PRKCE: variants seen among roughly 807,000 people sequenced by gnomAD.
PRKCE encodes protein kinase C epsilon type.
PRKCE carries 16 observed loss-of-function variants against 85.4 expected under a neutral mutation model. The observed-to-expected ratio is 0.19, with a 90% CI of 0.13 to 0.28. PRKCE has a LOEUF of 0.28. Ranked by LOEUF, PRKCE falls within the 10% of genes least tolerant of loss-of-function variation. PRKCE has a pLI of 1.00. For missense variants in PRKCE, 573 were observed against 975.2 expected (o/e 0.59, Z 5.49); for synonymous variants, 388 against 371.5 (o/e 1.04, Z -0.51).
At position 45,799,670 on chromosome 2, in the gene PRKCE, T is replaced by G. The variant is rs529188572; in HGVS notation, c.349-43330T>G. Among the ~76,000 whole-genome samples, 10 of 152,384 alleles carry G rather than the reference T, an allele frequency of 6.6e-5. No homozygotes were observed. The South Asian group carries it at 2.1e-3, about 32-fold the overall frequency. The stretch of plus-strand genomic sequence containing the variant: ...AAAAGGCACATGTCAGTATAATTAG[T>G]GCATACTCAAAATCTGATACTTTTT... On this transcript the variant is annotated intron_variant, in intron 1 of 14. Transcript: ENST00000306156.
intron 2 of PRKCE, among the ~76,000 whole-genome samples, chr2:45,918,093 G>T (rs908868044): frequency 6.6e-6 from 1 of 152,252 alleles, no homozygotes; most frequent in Admixed American, 6.5e-5. Context: ...AGCCGGCTCC[G>T]GCCTTGGCCA....
rs397781944 is a variant in PRKCE at position 45,941,065 on chromosome 2, T to TAAAAAAAAA, written c.413-35350_413-35342dup. ...TGGGTGACAGAGTGAGACTTCATCC[T>TAAAAAAAAA]AAAAAAAAAAAAAAAAAAAAAAGAT... On this transcript the variant is annotated intron_variant, in intron 2 of 14. Transcript: ENST00000306156. Among the ~76,000 whole-genome samples, 24 of 67,162 alleles carry TAAAAAAAAA rather than the reference T, an allele frequency of 3.6e-4. 1 individual carries two copies. In the East Asian group the frequency reaches 4.6e-3, roughly 13 times the overall value. The allele number at this position is 67,162 out of a possible 152,430, so 44.1% of individuals were successfully genotyped here.
intron 1 of PRKCE, among the ~76,000 whole-genome samples, chr2:45,687,232 A>G (rs989787561): frequency 2.0e-5 from 3 of 152,166 alleles, no homozygotes; most frequent in African/African-American, 4.8e-5. Context: ...AACGACTAAT[A>G]TCCTTAATTT....
rs1481805524 is a variant in PRKCE, at chr2:45,835,349, A to G, written c.349-7651A>G. 2.0e-5 allele frequency among the ~76,000 whole-genome samples: 3 copies of G among 152,180 alleles called. 1 individual carries two copies. Among genetic ancestry groups the G allele is most frequent in the Admixed American group, 2.0e-4 (3 of 15,288 alleles). On this transcript the variant is annotated intron_variant, in intron 1 of 14. Transcript: ENST00000306156. ...GCTTGATTTGTCCCACCCAATGTCTACATTCATGGAGCAGCCACCACAATC... is the reference window on the plus strand; with the variant it reads ...GCTTGATTTGTCCCACCCAATGTCTGCATTCATGGAGCAGCCACCACAATC...
rs1182185385 is a variant in PRKCE at position 46,041,833 on chromosome 2, G to GA, written c.1437+31322dup. 2.0e-5 allele frequency among the ~76,000 whole-genome samples: 3 copies of GA among 152,184 alleles called. No individual in the cohort carries two copies. Among genetic ancestry groups the GA allele is most frequent in the African/African-American group, 7.2e-5 (3 of 41,460 alleles). On this transcript the variant is annotated intron_variant, in intron 10 of 14. Coordinates refer to ENST00000306156, the MANE Select transcript of PRKCE (RefSeq NM_005400.3). The surrounding 1 kb of genome is among the most constrained non-coding windows in gnomAD (Gnocchi z 5.5). ...TCTGCACGGCCAACAATTTGATGTT[G>GA]AAAAAACCAGCCTCCATGTTAACAT...
At chr2:45,892,679 G>A (rs1041156133) in intron 2 of PRKCE, among the ~76,000 whole-genome samples, 4 of 152,270 alleles carry the variant, frequency 2.6e-5, no homozygotes, top group African/African-American at 9.6e-5. Flanking sequence ...AGAAGCAAAT[G>A]TAGCATCGTT....
intron 2 of PRKCE, chr2:45,845,658 T>G (rs1450675418): frequency 3.3e-5 from 5 of 152,220 alleles, no homozygotes; most frequent in African/African-American, 1.2e-4. Context: ...CGAAGGATTC[T>G]TTTTCTTGCT....
intron 11 of PRKCE, among the ~76,000 whole-genome samples, chr2:46,144,491 C>G (rs924191695): frequency 1.3e-5 from 2 of 152,160 alleles, no homozygotes; most frequent in African/African-American, 4.8e-5. Flanking sequence ...GCCTTCTCCT[C>G]TCTCCCATCT....
Position 46,184,985 on chromosome 2 carries a change from A to G in PRKCE, c.*104A>G. ...GTCTTGAACTACTTCTCCTCCTCGG[A>G]GCCCCAGTCCCATGTCCACTGTCTA... On this transcript the variant is annotated 3_prime_UTR_variant, in exon 15 of 15. Coordinates refer to ENST00000306156, the MANE Select transcript of PRKCE (RefSeq NM_005400.3). The surrounding 1 kb of genome is among the most constrained non-coding windows in gnomAD (Gnocchi z 5.0). The G allele has an allele frequency of 6.9e-7, 1 of 1,449,308 alleles. No homozygotes were observed. The highest frequency in any genetic ancestry group is 9.4e-7 in the Non-Finnish European group (1 of 1,068,484). 89.8% of individuals were successfully genotyped at this position (1,449,308 alleles called of 1,614,324 possible). A position where few individuals can be genotyped will look rare whatever the true frequency, so the allele number is the denominator to read the frequency against.
chr2:45,922,762 G>A (rs903708327), intron 2 of PRKCE, among the ~76,000 whole-genome samples: 2 of 152,174 alleles, frequency 1.3e-5, no homozygotes, highest in African/African-American at 4.8e-5. Context: ...GTTGCCTGGA[G>A]ATTATCATGG....
chr2:46,112,894 TA>T (rs1672410277), intron 11 of PRKCE, among the ~76,000 whole-genome samples: 1 of 152,146 alleles, frequency 6.6e-6, no homozygotes, highest in African/African-American at 2.4e-5. Flanking sequence ...GCTTTTTTAC[TA>T]AAAAGAAAAA....
chr2:45,841,789 AGAG>A (rs1385779202), intron 1 of PRKCE, among the ~76,000 whole-genome samples: 10 of 152,236 alleles, frequency 6.6e-5, no homozygotes, highest in African/African-American at 1.4e-4. Context: ...TAGATTTCAG[AGAG>A]GAGGTGATAA....
At chr2:45,978,892 G>A (rs1574095143) in intron 3 of PRKCE, 84 bp from the exon 4 acceptor site, 2 of 1,200,018 alleles carry the variant, frequency 1.7e-6, no homozygotes, top group Non-Finnish European at 2.4e-6. Context: ...TGTGGGTGGT[G>A]GCCCAAATTG....
chr2:45,935,144 GA>G (rs1699347108), intron 2 of PRKCE, among the ~76,000 whole-genome samples: 1 of 152,152 alleles, frequency 6.6e-6, no homozygotes, highest in Non-Finnish European at 1.5e-5. Flanking sequence ...AAGAGATGAT[GA>G]GGGGGACCAT....
chr2:45,849,760 A>T (rs1232769781), intron 2 of PRKCE, among the ~76,000 whole-genome samples: 3 of 152,214 alleles, frequency 2.0e-5, no homozygotes, highest in Non-Finnish European at 4.4e-5. Context: ...CATTGATCTT[A>T]CAATATGCAC....
At chr2:45,775,776 G>A (rs1685702081) in intron 1 of PRKCE, among the ~76,000 whole-genome samples, 1 of 152,072 alleles carries the variant, frequency 6.6e-6, no homozygotes, top group Admixed American at 6.6e-5. Flanking sequence ...CCCACAGTGG[G>A]CTCTCATCAT....
intron 2 of PRKCE, among the ~76,000 whole-genome samples, chr2:45,883,833 G>C (rs906127737): frequency 1.3e-5 from 2 of 152,194 alleles, no homozygotes; most frequent in Non-Finnish European, 1.5e-5. Flanking sequence ...AGAGTGTGTG[G>C]GAAACTCCCT....
intron 1 of PRKCE, among the ~76,000 whole-genome samples, chr2:45,677,550 G>A (rs1442344208): frequency 6.6e-6 from 1 of 152,044 alleles, no homozygotes; most frequent in Non-Finnish European, 1.5e-5. Context: ...TAGAGACGGG[G>A]TTTCACCTTG....
intron 14 of PRKCE, among the ~76,000 whole-genome samples, chr2:46,170,818 A>G (rs1678821094): frequency 6.6e-6 from 1 of 152,250 alleles, no homozygotes; most frequent in African/African-American, 2.4e-5. Flanking sequence ...CAGTGCAATA[A>G]TAAATCCTGG....
Sources: gnomAD v4.1 joint callset for allele counts (sites outside exome capture counted in the v4.1 genomes callset) on GRCh38, gnomAD v4.1.1 for gene constraint, Gnocchi (gnomAD v3.1) non-coding constraint, MANE v1.5 for transcripts, NCBI Gene and HGNC (gene_info 2026-07-23, HGNC 2026-07-21) for gene names.